Variants in GCH1 observed in about 807,000 individuals in gnomAD.
The protein encoded by GCH1 is GTP cyclohydrolase 1, also known as GTP cyclohydrolase I.
Under a neutral mutation model 25.9 loss-of-function variants are expected in GCH1, and 5 were observed. The observed-to-expected ratio is 0.19, with a 90% CI of 0.10 to 0.41. GCH1 has a LOEUF of 0.41. Among genes scored for constraint, GCH1 ranks in the 10% least tolerant of loss-of-function variants. The pLI, the probability that GCH1 is intolerant of heterozygous loss-of-function variation, is 1.00. For synonymous variants in GCH1, 159 were observed against 129.6 expected, an observed-to-expected ratio of 1.23 and a Z score of -1.54; for missense variants, 261 against 336.5, an observed-to-expected ratio of 0.78 and a Z score of 1.75.
At chr14:54,882,025 C>G (rs1291498525) in intron 1 of GCH1, among the ~76,000 whole-genome samples, 1 of 152,178 alleles carries the variant, frequency 6.6e-6, no homozygotes, top group Admixed American at 6.5e-5. Context: ...TTTTGCTCCT[C>G]ATTACAACAG....
intron 1 of GCH1, among the ~76,000 whole-genome samples, chr14:54,891,700 G>A (rs116139236): frequency 0.018 from 2,787 of 152,216 alleles, 92 homozygotes; most frequent in African/African-American, 0.064. Context: ...ATGAGCCATC[G>A]CATCCAGCCA....
intron 1 of GCH1, among the ~76,000 whole-genome samples, chr14:54,879,212 G>A (rs899596431): frequency 6.6e-6 from 1 of 151,986 alleles, no homozygotes; most frequent in African/African-American, 2.4e-5. Context: ...ATTGAGGTCA[G>A]GAGTTCAAAA....
At chr14:54,896,378 G>T (rs2040482878) in intron 1 of GCH1, among the ~76,000 whole-genome samples, 1 of 151,892 alleles carries the variant, frequency 6.6e-6, no homozygotes, top group Non-Finnish European at 1.5e-5. Context: ...TGCCATCCAG[G>T]TTGGTCCAAG....
intron 1 of GCH1, among the ~76,000 whole-genome samples, chr14:54,896,473 C>G (rs1432802575): frequency 1.5e-5 from 2 of 129,586 alleles, no homozygotes; most frequent in African/African-American, 3.7e-5. Context: ...TTATATATCT[C>G]TTTAAAAAAA....
At chr14:54,864,013 C>A (rs367895496) in intron 2 of GCH1, among the ~76,000 whole-genome samples, 17 of 152,228 alleles carry the variant, frequency 1.1e-4, no homozygotes, top group African/African-American at 4.1e-4. Flanking sequence ...CATGCACCAC[C>A]ATGCCCAGGT....
At chr14:54,859,030 C>A (rs137968814) in intron 3 of GCH1, among the ~76,000 whole-genome samples, 1 of 152,314 alleles carries the variant, frequency 6.6e-6, no homozygotes, top group Non-Finnish European at 1.5e-5. Context: ...AGCGTGAACA[C>A]TGTATCAGAA....
At chr14:54,889,007 A>G (rs1399698230) in intron 1 of GCH1, among the ~76,000 whole-genome samples, 1 of 152,222 alleles carries the variant, frequency 6.6e-6, no homozygotes, top group Non-Finnish European at 1.5e-5. Flanking sequence ...GGGGAGAAAG[A>G]GATGACACCA....
chr14:54,902,466 C>G lies in GCH1; in HGVS notation c.198G>C (p.Leu66=). The G allele has an allele frequency of 6.2e-7, 1 of 1,612,476 alleles. No individual in the cohort carries two copies. The highest frequency in any genetic ancestry group is 1.7e-5 in the Admixed American group (1 of 59,966). ...AGGCGGCTGCCAGGTTAGGGAGGTTCAGCTCGTTATCCTCCTCGCTGCGGG... is the reference window on the plus strand; with the variant it reads ...AGGCGGCTGCCAGGTTAGGGAGGTTGAGCTCGTTATCCTCCTCGCTGCGGG... ...ERPRSEEDNE[L]NLPNLAAAYS... Residue 66 remains leucine (L), a synonymous_variant, in exon 1 of 6, where the codon CTG becomes CTC. Transcript: ENST00000491895.
intron 3 of GCH1, among the ~76,000 whole-genome samples, chr14:54,852,097 T>A (rs1371534475): frequency 2.0e-5 from 3 of 152,172 alleles, no homozygotes; most frequent in African/African-American, 7.2e-5. Flanking sequence ...GCCTATTTTT[T>A]AATATATAGT....
At chr14:54,896,731 T>G (rs989867956) in intron 1 of GCH1, among the ~76,000 whole-genome samples, 4 of 150,140 alleles carry the variant, frequency 2.7e-5, no homozygotes, top group South Asian at 4.2e-4. Flanking sequence ...GCTAACACGG[T>G]GAAACCCCAT....
intron 3 of GCH1, among the ~76,000 whole-genome samples, chr14:54,848,136 C>CTTT (rs376044763): frequency 2.2e-5 from 3 of 137,366 alleles, no homozygotes; most frequent in East Asian, 2.1e-4. Context: ...AAATTTTCCT[C>CTTT]TTTTTTTTTT....
intron 1 of GCH1, among the ~76,000 whole-genome samples, chr14:54,888,128 G>A (rs2040377224): frequency 6.6e-6 from 1 of 152,202 alleles, no homozygotes; most frequent in African/African-American, 2.4e-5. Context: ...TAGATCCCAA[G>A]AACATTTAGA....
intron 1 of GCH1, among the ~76,000 whole-genome samples, chr14:54,869,860 G>T (rs1256499999): frequency 6.6e-6 from 1 of 152,232 alleles, no homozygotes; most frequent in African/African-American, 2.4e-5. Flanking sequence ...TCAGCAAGAA[G>T]ATGGAATGAA....
intron 1 of GCH1, among the ~76,000 whole-genome samples, chr14:54,875,857 G>A (rs959630371): frequency 1.3e-5 from 2 of 152,220 alleles, no homozygotes; most frequent in African/African-American, 4.8e-5. Flanking sequence ...ACAGGTGCTG[G>A]AGAGAATGTG....
intron 1 of GCH1, among the ~76,000 whole-genome samples, chr14:54,872,677 C>A (rs1354110465): frequency 2.6e-5 from 4 of 151,910 alleles, no homozygotes; most frequent in African/African-American, 4.8e-5. Flanking sequence ...TGGAAAACAA[C>A]AAAAGGCAGG....
At chr14:54,865,680 T>C (rs1024984743) in intron 1 of GCH1, among the ~76,000 whole-genome samples, 6 of 152,174 alleles carry the variant, frequency 3.9e-5, no homozygotes. Context: ...ATTTGCAGTA[T>C]GGAAGAGGAA....
intron 1 of GCH1, among the ~76,000 whole-genome samples, chr14:54,892,159 A>G (rs7147201): frequency 0.3 from 46,194 of 152,012 alleles, 8,876 homozygotes; most frequent in African/African-American, 0.55. Flanking sequence ...TGGCCACAGC[A>G]CATGGTAAGT....
chr14:54,897,182 G>T (rs1395631556), intron 1 of GCH1, among the ~76,000 whole-genome samples: 1 of 150,462 alleles, frequency 6.6e-6, no homozygotes, highest in Non-Finnish European at 1.5e-5. Flanking sequence ...GCTAATTTTT[G>T]TATTTTTAGT....
At chr14:54,892,796 C>T (rs1289530896) in intron 1 of GCH1, among the ~76,000 whole-genome samples, 1 of 151,838 alleles carries the variant, frequency 6.6e-6, no homozygotes, top group Admixed American at 6.6e-5. Context: ...TGTATGTTTC[C>T]GGCCGGGTGC....
Sources: allele counts gnomAD v4.1 joint callset (sites outside exome capture counted in the v4.1 genomes callset), GRCh38; gene constraint gnomAD v4.1.1; transcripts MANE v1.5; gene names NCBI Gene and HGNC (gene_info 2026-07-23, HGNC 2026-07-21).